Variants in NEK5 observed in about 807,000 individuals in gnomAD.
The protein encoded by NEK5 is serine/threonine-protein kinase Nek5.
In NEK5, 88 loss-of-function variants were observed where a neutral mutation model predicts 109.2. The observed-to-expected ratio is 0.81, with a 90% CI of 0.68 to 0.96. The LOEUF (loss-of-function observed/expected upper bound fraction) is 0.96. Ranked by LOEUF, NEK5 falls within the 40% of genes least tolerant of loss-of-function variation. The probability of loss-of-function intolerance (pLI) is 0.00; values close to 1 mark genes in which losing one functional copy is unlikely to be tolerated. For missense variants in NEK5, 834 were observed against 920.7 expected (o/e 0.91, Z 1.22); for synonymous variants, 283 against 299.9 (o/e 0.94, Z 0.58).
rs186002714 is a variant in NEK5 at position 52,042,098 on chromosome 13, T to G, written c.2229-4880A>C. ...ATAGTTGATTTGTCATCAACAATAA[T>G]AGAAGCCAGGAGAAAAAATAGTTGT... On this transcript the variant is annotated intron_variant, in intron 23 of 23. Transcript: ENST00000684899. Among the ~76,000 whole-genome samples the G allele has an allele frequency of 5.5e-3, 840 of 152,096 alleles. 7 individuals carry two copies. Among genetic ancestry groups the G allele is most frequent in the African/African-American group, 0.02 (820 of 41,556 alleles).
chr13:52,052,952 T>C (rs1177819352), intron 22 of NEK5, among the ~76,000 whole-genome samples: 5 of 152,186 alleles, frequency 3.3e-5, no homozygotes, highest in Non-Finnish European at 7.4e-5. Flanking sequence ...TTGCTAACAA[T>C]TGTTTAGGGC....
chr13:52,125,800 T>A (rs528945084), intron 3 of NEK5, among the ~76,000 whole-genome samples: 8 of 152,238 alleles, frequency 5.3e-5, no homozygotes, highest in South Asian at 4.1e-4. Context: ...AGCAGTCAGA[T>A]AAACAAAAGA....
At chr13:52,038,767 A>C (rs2140876278) in intron 23 of NEK5, among the ~76,000 whole-genome samples, 1 of 143,400 alleles carries the variant, frequency 7.0e-6, no homozygotes, top group African/African-American at 2.5e-5. Context: ...TACAGTTGTA[A>C]TGAGCTATGA....
At chr13:52,108,517 G>A (rs1264618568) in intron 7 of NEK5, 113 bp from the exon 8 acceptor site, 15 of 604,444 alleles carry the variant, frequency 2.5e-5, no homozygotes, top group Non-Finnish European at 3.8e-5. Flanking sequence ...AAGATTTGAT[G>A]CATACATGTG....
intron 22 of NEK5, among the ~76,000 whole-genome samples, chr13:52,058,563 C>A (rs1482684766): frequency 2.0e-5 from 3 of 152,160 alleles, no homozygotes; most frequent in Admixed American, 2.0e-4. Context: ...TACTACAAGG[C>A]TACAGTAACC....
intron 23 of NEK5, among the ~76,000 whole-genome samples, chr13:52,038,088 T>C (rs1954379718): frequency 6.6e-6 from 1 of 152,138 alleles, no homozygotes; most frequent in African/African-American, 2.4e-5. Flanking sequence ...TGCACCAACC[T>C]AATATTTAAG....
rs1955362003 is a variant in NEK5, at chr13:52,094,548, C to T, written c.1027-1313G>A. ...CCTGTAATCCCAGAACTTTGGGAGGCTGAGGCAGGCGGATCACGAGGTCAG... is the reference window on the plus strand; with the variant it reads ...CCTGTAATCCCAGAACTTTGGGAGGTTGAGGCAGGCGGATCACGAGGTCAG... On this transcript the variant is annotated intron_variant, in intron 12 of 23. Coordinates refer to ENST00000684899, the MANE Select transcript of NEK5 (RefSeq NM_001365552.1). 3.9e-5 allele frequency among the ~76,000 whole-genome samples: 6 copies of T among 152,316 alleles called. No homozygotes were observed. In the South Asian group the frequency reaches 1.2e-3, roughly 32 times the overall value.
intron 22 of NEK5, among the ~76,000 whole-genome samples, chr13:52,054,675 C>A (rs896725610): frequency 6.6e-6 from 1 of 152,220 alleles, no homozygotes; most frequent in Non-Finnish European, 1.5e-5. Flanking sequence ...GGAGGCACCC[C>A]CCAGCAGGGG....
intron 5 of NEK5, among the ~76,000 whole-genome samples, chr13:52,111,499 C>T (rs1593993457): frequency 6.6e-6 from 1 of 152,022 alleles, no homozygotes; most frequent in Non-Finnish European, 1.5e-5. Context: ...TTTTTTAATC[C>T]TTCATATATT....
At chr13:52,079,944 C>T (rs1954953494) in intron 17 of NEK5, among the ~76,000 whole-genome samples, 1 of 151,942 alleles carries the variant, frequency 6.6e-6, no homozygotes, top group Admixed American at 6.6e-5. Flanking sequence ...CGCCTCTACC[C>T]GGCCGCGACC....
intron 4 of NEK5, among the ~76,000 whole-genome samples, chr13:52,114,562 G>A (rs962264428): frequency 2.0e-5 from 3 of 152,222 alleles, no homozygotes; most frequent in African/African-American, 7.2e-5. Context: ...AGCAAGGAAT[G>A]CTGTGTAGGA....
rs1955168638 is a variant in NEK5, at chr13:52,087,328, A to G, written c.1392+10T>C. Reference sequence around the variant, plus strand: ...TACAAGGGTAGCCCTGGAATTAAACAGTTTTTAACCTGTTCCTTCATTTCG... The same window carrying G: ...TACAAGGGTAGCCCTGGAATTAAACGGTTTTTAACCTGTTCCTTCATTTCG... On this transcript the variant is annotated intron_variant, in intron 15 of 23. Transcript: ENST00000684899. 3 of 1,327,026 alleles carry G rather than the reference A, an allele frequency of 2.3e-6. No individual in the cohort carries two copies. Among genetic ancestry groups the G allele is most frequent in the East Asian group, 4.6e-5 (2 of 43,580 alleles). 82.2% of individuals were successfully genotyped at this position (1,327,026 alleles called of 1,614,324 possible).
At chr13:52,089,975 AAAAAG>A (rs369646196) in intron 13 of NEK5, among the ~76,000 whole-genome samples, 37 of 152,276 alleles carry the variant, frequency 2.4e-4, no homozygotes, top group African/African-American at 7.5e-4. Context: ...AAAAAAAGAA[AAAAAG>A]AAAAGAAAAG....
At chr13:52,089,685 C>T (rs771500687) in intron 13 of NEK5, among the ~76,000 whole-genome samples, 4 of 152,008 alleles carry the variant, frequency 2.6e-5, no homozygotes, top group African/African-American at 7.2e-5. Context: ...TACAGGTTGT[C>T]GCTCCTGATT....
intron 16 of NEK5, among the ~76,000 whole-genome samples, chr13:52,084,069 C>T (rs1955068297): frequency 6.6e-6 from 1 of 152,148 alleles, no homozygotes; most frequent in South Asian, 2.1e-4. Context: ...CTCTTTAGGC[C>T]CCACCCACTT....
At chr13:52,063,451 G>C (rs551100353) in intron 21 of NEK5, among the ~76,000 whole-genome samples, 1 of 152,280 alleles carries the variant, frequency 6.6e-6, no homozygotes, top group East Asian at 1.9e-4. Context: ...CGCCTGCCTT[G>C]GCCTCCCAAA....
chr13:52,088,248 G>GTT (rs1955196078), intron 14 of NEK5, among the ~76,000 whole-genome samples: 2 of 146,350 alleles, frequency 1.4e-5, no homozygotes, highest in Non-Finnish European at 3.1e-5. Flanking sequence ...TTTTGTTGTT[G>GTT]GTTTTTGTTT....
intron 3 of NEK5, among the ~76,000 whole-genome samples, chr13:52,119,731 G>C (rs1486789499): frequency 6.6e-6 from 1 of 152,062 alleles, no homozygotes; most frequent in Non-Finnish European, 1.5e-5. Context: ...TCTTTCAGTA[G>C]CGAAGGAATT....
At chr13:52,044,176 A>G (rs1380532573) in intron 23 of NEK5, among the ~76,000 whole-genome samples, 2 of 152,164 alleles carry the variant, frequency 1.3e-5, no homozygotes, top group Admixed American at 6.5e-5. Flanking sequence ...TCAGACTCCA[A>G]GTTCTTCGGT....
Sources: gnomAD v4.1 joint callset for allele counts (sites outside exome capture counted in the v4.1 genomes callset) on GRCh38, gnomAD v4.1.1 for gene constraint, MANE v1.5 for transcripts, NCBI Gene and HGNC (gene_info 2026-07-23, HGNC 2026-07-21) for gene names.